Variants in CD84 observed in about 807,000 individuals in gnomAD.
CD84 encodes the protein SLAM family member 5.
A neutral mutation model predicts 33.8 loss-of-function variants in CD84; 22 were observed. The observed-to-expected ratio is 0.65, with a 90% CI of 0.46 to 0.93. The LOEUF (loss-of-function observed/expected upper bound fraction) is 0.93, where lower values mean the gene tolerates loss of function less well. CD84 is among the 40% of genes least tolerant of loss of function. CD84 has a pLI of 0.00. For missense variants in CD84, 400 were observed against 397.6 expected (o/e 1.01, Z -0.05); for synonymous variants, 154 against 145.2 (o/e 1.06, Z -0.44).
rs778438439 is a variant in CD84, at chr1:160,552,656, C to A, written c.760+722G>T. On this transcript the variant is annotated intron_variant, in intron 4 of 6. Transcript: ENST00000368054. ...GTCTTAACCACTCTGTTGGGAACTC[C>A]CCATCCCTCCCAATTGTTATTCAAG... The A allele has an allele frequency of 1.9e-5, 26 of 1,336,754 alleles. No homozygotes were observed. The African/African-American group carries it at 3.6e-4, about 19-fold the overall frequency. The allele number at this position is 1,336,754 out of a possible 1,614,324, so 82.8% of individuals were successfully genotyped here. A position where few individuals can be genotyped will look rare whatever the true frequency, so the allele number is the denominator to read the frequency against.
At chr1:160,559,443 C>T (rs112338693) in intron 2 of CD84, among the ~76,000 whole-genome samples, 35,193 of 151,904 alleles carry the variant, frequency 0.23, 4,619 homozygotes, top group Middle Eastern at 0.35. Context: ...AAGGAATTTG[C>T]GACCACCAGG....
At chr1:160,561,627 A>G (rs769718216) in intron 2 of CD84, among the ~76,000 whole-genome samples, 3 of 152,096 alleles carry the variant, frequency 2.0e-5, no homozygotes, top group Non-Finnish European at 4.4e-5. Flanking sequence ...CTCTTTCATC[A>G]CTCCTATTCA....
chr1:160,553,558 G>T lies in CD84; in HGVS notation c.641-61C>A, dbSNP rs1026389902. On this transcript the variant is annotated intron_variant, in intron 3 of 6. Transcript: ENST00000368054. ...GGAAATAGGCCCAAGAGGCTGGGCA[G>T]GTTTGCCCACAGTCAGGGGCATTAT... 6.3e-6 allele frequency: 10 copies of T among 1,593,518 alleles called. No individual in the cohort carries two copies. The African/African-American group carries it at 1.2e-4, about 19-fold the overall frequency.
chr1:160,578,411 T>C (rs1658103825), intron 1 of CD84, among the ~76,000 whole-genome samples: 2 of 152,104 alleles, frequency 1.3e-5, no homozygotes, highest in South Asian at 4.1e-4. Context: ...GGTTACAATC[T>C]CCATGAAGTT....
chr1:160,552,590 T>A (rs2102135790), intron 4 of CD84: 1 of 679,862 alleles, frequency 1.5e-6, no homozygotes, highest in East Asian at 2.8e-5. Flanking sequence ...ATGGTCAAGC[T>A]GGGACTTTCA....
Position 160,548,415 on chromosome 1 carries a change from A to C in CD84, c.922-94T>G, listed in dbSNP as rs546042478. On this transcript the variant is annotated intron_variant, in intron 6 of 6. Coordinates refer to ENST00000368054, the MANE Select transcript of CD84 (RefSeq NM_003874.4). Reference sequence around the variant, plus strand: ...TTCCCAGAGGAGTTAAGCAAATGGCACGGGGGAATGCCTTAGATTTGCCTC... The same window carrying C: ...TTCCCAGAGGAGTTAAGCAAATGGCCCGGGGGAATGCCTTAGATTTGCCTC... 9 of 1,274,946 alleles carry C rather than the reference A, an allele frequency of 7.1e-6. No homozygotes were observed. The South Asian group carries it at 8.6e-5, about 12-fold the overall frequency. 79.0% of individuals were successfully genotyped at this position (1,274,946 alleles called of 1,614,324 possible).
chr1:160,565,676 A>G lies in CD84; in HGVS notation c.116T>C (p.Phe39Ser). Residue 39 changes from phenylalanine to serine, a missense_variant, in exon 2 of 7, where the codon TTC becomes TCC. Phe to Ser is a radical substitution (Grantham distance 155, BLOSUM62 -2). Coordinates refer to ENST00000368054, the MANE Select transcript of CD84 (RefSeq NM_003874.4). The part of the protein sequence containing the change: ...VNGILGESVT[F>S]PVNIQEPRQV... ...CCGTGGTTCTTGGATATTTACAGGG[A>G]AAGTGACTGACTCTCCCAGAATCCC... The G allele has an allele frequency of 1.2e-6, 2 of 1,613,780 alleles. No homozygotes were observed. The highest frequency in any genetic ancestry group is 1.7e-6 in the Non-Finnish European group (2 of 1,179,832).
At chr1:160,554,269 A>G (rs1256761539) in intron 2 of CD84, 123 bp from the exon 3 acceptor site, 1 of 974,426 alleles carries the variant, frequency 1.0e-6, no homozygotes, top group African/African-American at 1.7e-5. Flanking sequence ...ATAAAAACAT[A>G]ATTAAATAAA....
rs1350971571 is a variant in CD84, at chr1:160,565,725, C to G, written c.67G>C (p.Asp23His). ...CCATTCACTGTGAAGATTTCTGAGT[C>G]TTTTCCAGCTGCTTCCGGCCCTGAG... ...LQTWPEAAGK[D>H]SEIFTVNGIL... The change falls in exon 2 of 7, where the codon GAC becomes CAC. Residue 23 changes from aspartate to histidine, a missense_variant. Transcript: ENST00000368054. 4 of 1,608,756 alleles carry G rather than the reference C, an allele frequency of 2.5e-6. No individual in the cohort carries two copies. The highest frequency in any genetic ancestry group is 4.5e-5 in the East Asian group (2 of 44,710).
intron 4 of CD84, 42 bp from the exon 5 acceptor site, chr1:160,551,077 G>A: frequency 2.1e-6 from 3 of 1,433,732 alleles, no homozygotes; most frequent in Non-Finnish European, 3.0e-6. Context: ...TGTGAAAGGT[G>A]GTTTTTTTAG....
chr1:160,568,561 C>T (rs1310682646), intron 1 of CD84, among the ~76,000 whole-genome samples: 2 of 152,118 alleles, frequency 1.3e-5, no homozygotes, highest in Non-Finnish European at 2.9e-5. Flanking sequence ...GGTGTAGGTG[C>T]AAGTACTTCT....
rs532792946 is a variant in CD84 at position 160,578,230 on chromosome 1, G to A, written c.46+1162C>T. ...TTCATATGGATGACATAAGAATGTA[G>A]GCATAAACATTGTAGAATGTTTTGC... On this transcript the variant is annotated intron_variant, in intron 1 of 6. Coordinates refer to ENST00000368054, the MANE Select transcript of CD84 (RefSeq NM_003874.4). Among the ~76,000 whole-genome samples the A allele has an allele frequency of 1.2e-4, 19 of 152,166 alleles. No individual in the cohort carries two copies. The East Asian group carries it at 3.5e-3, about 28-fold the overall frequency.
At chr1:160,574,169 A>G (rs1657863496) in intron 1 of CD84, among the ~76,000 whole-genome samples, 2 of 151,904 alleles carry the variant, frequency 1.3e-5, no homozygotes, top group African/African-American at 4.8e-5. Context: ...ATCTTTTCCA[A>G]CAATAGAAAA....
rs765730754 is a variant in CD84, at chr1:160,551,022, C to A, written c.774G>T (p.Lys258Asn). The A allele has an allele frequency of 2.5e-6, 4 of 1,613,458 alleles. No individual in the cohort carries two copies. Among genetic ancestry groups the A allele is most frequent in the South Asian group, 1.1e-5 (1 of 91,058 alleles). ...LFKRRQDAAS[K>N]KTIYTYIMAS... ...CCATGATATATGTGTATATGGTTTT[C>A]TTTGAGGCAGCATCTGTCTCACAAA... is the stretch of plus-strand genomic sequence containing the variant. The change falls in exon 5 of 7, where the codon AAG (lysine) becomes AAT (asparagine). Residue 258 changes from lysine (K) to asparagine (N), a missense_variant. Coordinates refer to ENST00000368054, the MANE Select transcript of CD84 (RefSeq NM_003874.4).
At position 160,542,383 on chromosome 1, in the gene CD84, G is replaced by A. The variant is rs966646764; in HGVS notation, c.*5873C>T. 3.9e-5 allele frequency: 6 copies of A among 152,154 alleles called. No homozygotes were observed. Among genetic ancestry groups the A allele is most frequent in the African/African-American group, 1.4e-4 (6 of 41,446 alleles). 9.4% of individuals were successfully genotyped at this position (152,154 alleles called of 1,614,324 possible). ...ATCATTAGCATAGGAAAAACACAAG[G>A]AAAGCAAGTTGGGAGGTCAGAAACA... On this transcript the variant is annotated 3_prime_UTR_variant, in exon 7 of 7. Coordinates refer to ENST00000368054, the MANE Select transcript of CD84 (RefSeq NM_003874.4).
rs3766388 is a variant in CD84 at position 160,547,689 on chromosome 1, C to G, written c.*567G>C. 0.33 allele frequency: 52,676 copies of G among 158,940 alleles called. 9,240 individuals carry two copies. Among genetic ancestry groups the G allele is most frequent in the African/African-American group, 0.41 (17,165 of 41,628 alleles). 9.8% of individuals were successfully genotyped at this position (158,940 alleles called of 1,614,324 possible). A position where few individuals can be genotyped will look rare whatever the true frequency, so the allele number is the denominator to read the frequency against. On this transcript the variant is annotated 3_prime_UTR_variant, in exon 7 of 7. Transcript: ENST00000368054. ...CATTCTGCTCTCCAAGCCATGCACT[C>G]GGGGGAAGGGCTGCATCTGCCTCAA...
At chr1:160,567,035 C>T (rs546618852) in intron 1 of CD84, among the ~76,000 whole-genome samples, 1 of 152,200 alleles carries the variant, frequency 6.6e-6, no homozygotes, top group Non-Finnish European at 1.5e-5. Flanking sequence ...AGATGATATC[C>T]AAAGTATTTA....
chr1:160,552,130 A>C lies in CD84; in HGVS notation c.761-1095T>G, dbSNP rs188051187. 2.1e-3 allele frequency among the ~76,000 whole-genome samples: 314 copies of C among 152,328 alleles called. 1 individual carries two copies. Among genetic ancestry groups the C allele is most frequent in the African/African-American group, 7.3e-3 (303 of 41,582 alleles). The stretch of plus-strand genomic sequence containing the variant: ...AGTATTACAGGGCTCCAACATTCAG[A>C]GTTTAGTCCTATCACTTATTTGGTG... On this transcript the variant is annotated intron_variant, in intron 4 of 6. Transcript: ENST00000368054.
At chr1:160,571,725 C>T (rs1273620671) in intron 1 of CD84, among the ~76,000 whole-genome samples, 1 of 152,088 alleles carries the variant, frequency 6.6e-6, no homozygotes, top group African/African-American at 2.4e-5. Flanking sequence ...TGGGCCTGCT[C>T]TAGGTTAGAT....
Sources: gnomAD v4.1 joint callset for allele counts (sites outside exome capture counted in the v4.1 genomes callset) on GRCh38, gnomAD v4.1.1 for gene constraint, MANE v1.5 for transcripts, NCBI Gene and HGNC (gene_info 2026-07-23, HGNC 2026-07-21) for gene names.